Variants in LRRC4C observed in about 807,000 individuals in gnomAD.
The protein encoded by LRRC4C is leucine-rich repeat-containing protein 4C.
A neutral mutation model predicts 33.6 loss-of-function variants in LRRC4C; 5 were observed. The ratio of observed to expected loss-of-function variants is 0.15; its 90% confidence interval spans 0.08 to 0.31. The LOEUF is 0.31. LRRC4C is among the 10% of genes least tolerant of loss of function. The probability of loss-of-function intolerance (pLI) is 1.00; values close to 1 mark genes in which losing one functional copy is unlikely to be tolerated. For missense variants in LRRC4C, 560 were observed against 796.7 expected (o/e 0.70, Z 3.58); for synonymous variants, 329 against 302.0 (o/e 1.09, Z -0.93).
chr11:40,994,643 C>T lies in LRRC4C; in HGVS notation c.-495-60920G>A, dbSNP rs542251125. On this transcript the variant is annotated intron_variant, in intron 1 of 6. Transcript: ENST00000528697. Reference sequence around the variant, plus strand: ...ACTGCATCTCTCTAAATTCTCATCCCAGAGGAAGCAAAAATTACATATTAT... The same window carrying T: ...ACTGCATCTCTCTAAATTCTCATCCTAGAGGAAGCAAAAATTACATATTAT... Among the ~76,000 whole-genome samples the T allele has an allele frequency of 2.6e-5, 4 of 152,204 alleles. No homozygotes were observed. The South Asian group carries it at 8.3e-4, about 32-fold the overall frequency.
intron 5 of LRRC4C, among the ~76,000 whole-genome samples, chr11:40,164,133 A>T (rs1565075567): frequency 6.6e-6 from 1 of 152,196 alleles, no homozygotes; most frequent in Admixed American, 6.5e-5. Context: ...ACAGCCAGCA[A>T]AAAAGCTAGG....
Position 40,834,201 on chromosome 11 carries a change from C to T in LRRC4C, c.-407+99434G>A, listed in dbSNP as rs373418291. Among the ~76,000 whole-genome samples, 42 of 152,098 alleles carry T rather than the reference C, an allele frequency of 2.8e-4. No individual in the cohort carries two copies. The South Asian group carries it at 5.8e-3, about 21-fold the overall frequency. ...GAATCTAAAAAGTTTTGGCCAGGTGCGGTGGCTCATGCCTGTAATCCCAGC... is the reference window on the plus strand; with the variant it reads ...GAATCTAAAAAGTTTTGGCCAGGTGTGGTGGCTCATGCCTGTAATCCCAGC... On this transcript the variant is annotated intron_variant, in intron 2 of 6. Transcript: ENST00000528697.
intron 1 of LRRC4C, among the ~76,000 whole-genome samples, chr11:41,437,423 G>A (rs1542199): frequency 0.55 from 81,603 of 148,672 alleles, 22,856 homozygotes; most frequent in Non-Finnish European, 0.6. Context: ...GCGCGCGCGC[G>A]CGCACACACA....
chr11:40,602,218 A>G (rs1960092151), intron 3 of LRRC4C, among the ~76,000 whole-genome samples: 1 of 151,456 alleles, frequency 6.6e-6, no homozygotes, highest in South Asian at 2.1e-4. Context: ...AAAGAAAAAA[A>G]AAGAGGTATG....
At chr11:41,335,780 T>C (rs1951434064) in intron 1 of LRRC4C, among the ~76,000 whole-genome samples, 1 of 152,230 alleles carries the variant, frequency 6.6e-6, no homozygotes, top group Non-Finnish European at 1.5e-5. Flanking sequence ...TCCTCCGTTC[T>C]CCCATTGATC....
intron 1 of LRRC4C, among the ~76,000 whole-genome samples, chr11:41,275,231 C>T (rs1323331347): frequency 6.6e-6 from 1 of 152,078 alleles, no homozygotes; most frequent in Non-Finnish European, 1.5e-5. Flanking sequence ...ACGTCTTTTA[C>T]TTATGAATTA....
At chr11:40,844,215 G>A (rs921016427) in intron 2 of LRRC4C, among the ~76,000 whole-genome samples, 2 of 150,358 alleles carry the variant, frequency 1.3e-5, no homozygotes, top group South Asian at 4.2e-4. Context: ...TTGTGCACAT[G>A]TACCCTTAAA....
chr11:40,944,757 T>G (rs1330740381), intron 1 of LRRC4C, among the ~76,000 whole-genome samples: 1 of 152,218 alleles, frequency 6.6e-6, no homozygotes, highest in Non-Finnish European at 1.5e-5. Flanking sequence ...TTTTGCATGG[T>G]CTTAGAGTAT....
chr11:41,095,440 A>T (rs1347032183), intron 1 of LRRC4C, among the ~76,000 whole-genome samples: 2 of 152,170 alleles, frequency 1.3e-5, no homozygotes, highest in Non-Finnish European at 2.9e-5. Context: ...ATAAAGGATA[A>T]TTTCATAGAG....
intron 1 of LRRC4C, among the ~76,000 whole-genome samples, chr11:41,288,632 C>T (rs1019112647): frequency 1.3e-5 from 2 of 152,088 alleles, no homozygotes; most frequent in African/African-American, 4.8e-5. Flanking sequence ...ATCTTCAGTC[C>T]AGTGGCTGAA....
intron 1 of LRRC4C, among the ~76,000 whole-genome samples, chr11:41,302,621 T>A (rs770822901): frequency 5.9e-5 from 9 of 152,218 alleles, no homozygotes; most frequent in Non-Finnish European, 1.3e-4. Context: ...AGATTTCTAT[T>A]CTGTTGTCAG....
intron 3 of LRRC4C, among the ~76,000 whole-genome samples, chr11:40,451,783 C>T (rs186535135): frequency 4.1e-4 from 63 of 152,066 alleles, no homozygotes; most frequent in Non-Finnish European, 5.7e-4. Flanking sequence ...ACTACTAAAC[C>T]GACTTAAAAA....
chr11:40,846,906 T>C (rs1228213421), intron 2 of LRRC4C, among the ~76,000 whole-genome samples: 3 of 152,192 alleles, frequency 2.0e-5, no homozygotes, highest in Non-Finnish European at 4.4e-5. Context: ...AGGTAATTTA[T>C]TCTCTTTGTG....
At chr11:41,105,319 C>CA (rs572906261) in intron 1 of LRRC4C, among the ~76,000 whole-genome samples, 2 of 151,974 alleles carry the variant, frequency 1.3e-5, no homozygotes, top group African/African-American at 4.8e-5. Context: ...TCATCCCATC[C>CA]AAAAAAATTC....
chr11:41,143,921 T>C (rs1943621881), intron 1 of LRRC4C, among the ~76,000 whole-genome samples: 1 of 152,160 alleles, frequency 6.6e-6, no homozygotes, highest in Admixed American at 6.5e-5. Flanking sequence ...GTTTTAAACA[T>C]TGTCAAAAGA....
At chr11:41,248,764 G>A (rs1948535309) in intron 1 of LRRC4C, among the ~76,000 whole-genome samples, 1 of 152,002 alleles carries the variant, frequency 6.6e-6, no homozygotes, top group African/African-American at 2.4e-5. Flanking sequence ...TTTGATAACT[G>A]TAATTGAAAG....
At chr11:40,734,637 C>T (rs1947762979) in intron 2 of LRRC4C, among the ~76,000 whole-genome samples, 1 of 152,134 alleles carries the variant, frequency 6.6e-6, no homozygotes, top group Non-Finnish European at 1.5e-5. Context: ...CAGAATCACA[C>T]CACATAGCTA....
chr11:40,186,616 T>A (rs1428562000), intron 5 of LRRC4C, among the ~76,000 whole-genome samples: 1 of 152,196 alleles, frequency 6.6e-6, no homozygotes, highest in Non-Finnish European at 1.5e-5. Flanking sequence ...CACCTTTATG[T>A]CTTCCTCTTC....
chr11:40,982,655 C>CT (rs35716719), intron 1 of LRRC4C, among the ~76,000 whole-genome samples: 19 of 149,436 alleles, frequency 1.3e-4, no homozygotes, highest in Admixed American at 2.0e-4. Flanking sequence ...CTGAAATTTT[C>CT]TTTTTTTTTT....
Sources: gnomAD v4.1 joint callset for allele counts (sites outside exome capture counted in the v4.1 genomes callset) on GRCh38, gnomAD v4.1.1 for gene constraint, MANE v1.5 for transcripts, NCBI Gene and HGNC (gene_info 2026-07-23, HGNC 2026-07-21) for gene names.